KCNQ2: variants seen among roughly 807,000 people sequenced by gnomAD.
KCNQ2 encodes potassium voltage-gated channel subfamily KQT member 2.
A neutral mutation model predicts 84.8 loss-of-function variants in KCNQ2; 14 were observed. That is an observed-to-expected ratio of 0.17 (90% CI 0.11 to 0.26). KCNQ2 has a LOEUF of 0.26. Ranked by LOEUF, KCNQ2 falls within the 10% of genes least tolerant of loss-of-function variation. The pLI, the probability that KCNQ2 is intolerant of heterozygous loss-of-function variation, is 1.00. For missense variants in KCNQ2, 788 were observed against 1,254.0 expected, an observed-to-expected ratio of 0.63 and a Z score of 5.61; for synonymous variants, 599 against 554.1, an observed-to-expected ratio of 1.08 and a Z score of -1.14.
At chr20:63,443,976 G>A (rs763896072) in intron 4 of KCNQ2, among the ~76,000 whole-genome samples, 16 of 152,214 alleles carry the variant, frequency 1.1e-4, no homozygotes, top group Non-Finnish European at 1.8e-4. Flanking sequence ...ATGTGAAAAG[G>A]GTGCCCACTG....
chr20:63,445,121 GA>G, intron 3 of KCNQ2, 116 bp downstream of exon 3: 1 of 1,380,520 alleles, frequency 7.2e-7, no homozygotes, highest in South Asian at 1.2e-5. Flanking sequence ...CTTCCAGAAG[GA>G]GCCAGTCCTG....
intron 1 of KCNQ2, among the ~76,000 whole-genome samples, chr20:63,457,640 G>A (rs1422287694): frequency 6.6e-6 from 1 of 152,226 alleles, no homozygotes; most frequent in Non-Finnish European, 1.5e-5. Context: ...AACAGGAGTG[G>A]AGGAGCTGGA....
rs118192208 is a variant in KCNQ2 at position 63,442,415 on chromosome 20, C to T, written c.807G>A (p.Trp269Ter). The part of the protein sequence containing the change: ...DHFDTYADAL[W>*]WGLITLTTIG... ...AATGACCACAACTCACCAGGCCCCACCAGAGTGCATCCGCGTAGGTGTCAA... is the reference window on the plus strand; with the variant it reads ...AATGACCACAACTCACCAGGCCCCATCAGAGTGCATCCGCGTAGGTGTCAA... The change falls in exon 5 of 17, where the codon TGG (tryptophan) becomes TGA (stop). Residue 269 changes from tryptophan to a stop codon, truncating the protein, a stop_gained. Coordinates refer to ENST00000359125, the MANE Select transcript of KCNQ2 (RefSeq NM_172107.4). LOFTEE classifies it high-confidence loss of function. 6.2e-7 allele frequency: 1 copy of T among 1,613,884 alleles called. No homozygotes were observed. Among genetic ancestry groups the T allele is most frequent in the Non-Finnish European group, 8.5e-7 (1 of 1,179,960 alleles).
chr20:63,439,080 C>T (rs879670940), intron 6 of KCNQ2, among the ~76,000 whole-genome samples: 8 of 152,202 alleles, frequency 5.3e-5, no homozygotes, highest in Admixed American at 3.3e-4. Context: ...TCTTTCCCTT[C>T]CACACAGAAG....
chr20:63,447,274 T>G, intron 1 of KCNQ2: 1 of 215,842 alleles, frequency 4.6e-6, no homozygotes, highest in Non-Finnish European at 9.5e-6. Context: ...CGATCAGCCT[T>G]CCCCTCTCCT....
intron 1 of KCNQ2, among the ~76,000 whole-genome samples, chr20:63,465,974 C>T (rs1568977128): frequency 6.6e-6 from 1 of 152,188 alleles, no homozygotes; most frequent in Non-Finnish European, 1.5e-5. Flanking sequence ...GGTTCTCTGG[C>T]GCGGTCTGCG....
chr20:63,424,062 A>G (rs1328101175), intron 11 of KCNQ2, 115 bp downstream of exon 11: 2 of 1,193,260 alleles, frequency 1.7e-6, no homozygotes, highest in Admixed American at 4.0e-5. Context: ...ACAGTCACAC[A>G]CGGAAGCACA....
At chr20:63,439,196 T>C (rs115611309) in intron 6 of KCNQ2, among the ~76,000 whole-genome samples, 1 of 152,162 alleles carries the variant, frequency 6.6e-6, no homozygotes, top group African/African-American at 2.4e-5. Context: ...GCAACAAGGG[T>C]TGACAGGGCC....
intron 10 of KCNQ2, 82 bp downstream of exon 10, chr20:63,428,285 C>T (rs2080690024): frequency 9.5e-7 from 1 of 1,050,656 alleles, no homozygotes; most frequent in South Asian, 1.3e-5. Flanking sequence ...GGGGCACTGT[C>T]CTGGCGTGTC....
intron 9 of KCNQ2, among the ~76,000 whole-genome samples, chr20:63,431,135 C>T (rs2145653571): frequency 1.3e-5 from 2 of 152,062 alleles, no homozygotes; most frequent in South Asian, 4.2e-4. Flanking sequence ...ACGTGGGCTC[C>T]AGGCAGGGGA....
chr20:63,434,117 C>CG, intron 7 of KCNQ2: 1 of 558,700 alleles, frequency 1.8e-6, no homozygotes, highest in Non-Finnish European at 3.2e-6. Context: ...GCTTGTCAGA[C>CG]GGTGGGGCCT....
intron 1 of KCNQ2, among the ~76,000 whole-genome samples, chr20:63,457,124 G>A (rs1160346562): frequency 1.3e-5 from 2 of 152,238 alleles, no homozygotes; most frequent in Non-Finnish European, 2.9e-5. Flanking sequence ...CAGAGTCCAG[G>A]CGTGAACCGG....
Position 63,415,113 on chromosome 20 carries a change from A to C in KCNQ2, c.1315T>G (p.Leu439Val). The change falls in exon 13 of 17, where the codon TTG becomes GTG. Residue 439 changes from leucine to valine, a missense_variant. By Grantham distance (32) the Leu-to-Val change is conservative. Coordinates refer to ENST00000359125, the MANE Select transcript of KCNQ2 (RefSeq NM_172107.4). ...CPGRSSQKVS[L>V]KDRVFSSPRG... ...GGGCTGGAGAAGACACGATCTTTCA[A>C]ACTGACCTTCTGGCTGCTCCCACGG... 1.9e-6 allele frequency: 3 copies of C among 1,598,768 alleles called. No homozygotes were observed. Among genetic ancestry groups the C allele is most frequent in the Non-Finnish European group, 2.5e-6 (3 of 1,179,264 alleles).
rs1329461291 is a variant in KCNQ2, at chr20:63,446,508, C to G, written c.387+239G>C. ...GGGGCGATGGAGGCGGGGCTGTCAG[C>G]CACTGTGAGGTCACCAGGAGGGGTG... On this transcript the variant is annotated intron_variant, in intron 2 of 16. Transcript: ENST00000359125. This position sits in a 1 kb window ranked among gnomAD's most constrained non-coding sequence, Gnocchi z 5.5. 6.6e-6 allele frequency among the ~76,000 whole-genome samples: 1 copy of G among 152,158 alleles called. No homozygotes were observed. The highest frequency in any genetic ancestry group is 2.4e-5 in the African/African-American group (1 of 41,438).
Position 63,438,777 on chromosome 20 carries a change from A to C in KCNQ2, c.928-57T>G. 6.7e-7 allele frequency: 1 copy of C among 1,488,534 alleles called. No homozygotes were observed. The highest frequency in any genetic ancestry group is 1.4e-5 in the African/African-American group (1 of 69,572). 92.2% of individuals were successfully genotyped at this position (1,488,534 alleles called of 1,614,324 possible). ...GGGACCCCCCACACCCCAATTCATC[A>C]GGGTCAGACCATGCTCTGGGGCCCC... On this transcript the variant is annotated intron_variant, in intron 6 of 16. Transcript: ENST00000359125. This position sits in a 1 kb window ranked among gnomAD's most constrained non-coding sequence, Gnocchi z 5.1.
In KCNQ2 at chr20:63,425,916, A is replaced by G. The variant is rs1309312864; in HGVS notation, c.1218-1710T>C. Among the ~76,000 whole-genome samples the G allele has an allele frequency of 1.3e-5, 2 of 152,112 alleles. No homozygotes were observed. The highest frequency in any genetic ancestry group is 2.9e-5 in the Non-Finnish European group (2 of 68,024). On this transcript the variant is annotated intron_variant, in intron 10 of 16. Transcript: ENST00000359125. The surrounding 1 kb of genome is among the most constrained non-coding windows in gnomAD (Gnocchi z 5.5). ...TATCAACAGCAGGACAGCTCTTCCC[A>G]CTCAAAAAGGGAGAATGACAGAGGG... is the stretch of plus-strand genomic sequence containing the variant.
In KCNQ2 at chr20:63,407,461, C is replaced by T. The variant is rs2079984192; in HGVS notation, c.1888-86G>A. 1 of 1,455,786 alleles carries T rather than the reference C, an allele frequency of 6.9e-7. No individual in the cohort carries two copies. Among genetic ancestry groups the T allele is most frequent in the Non-Finnish European group, 9.3e-7 (1 of 1,070,128 alleles). 90.2% of individuals were successfully genotyped at this position (1,455,786 alleles called of 1,614,324 possible). ...GGCTGCTCCCAGGAAATGGGGGGGC[C>T]CAGGCTGGTTCCAGGAAACAGGAGA... On this transcript the variant is annotated intron_variant, in intron 16 of 16. Coordinates refer to ENST00000359125, the MANE Select transcript of KCNQ2 (RefSeq NM_172107.4). This position sits in a 1 kb window ranked among gnomAD's most constrained non-coding sequence, Gnocchi z 7.2.
At chr20:63,423,572 G>A (rs1198699113) in intron 11 of KCNQ2, 1 of 152,536 alleles carries the variant, frequency 6.6e-6, no homozygotes, top group South Asian at 2.1e-4. Flanking sequence ...CGGGGCCCGG[G>A]AGAGGGAACC....
At chr20:63,445,507 C>CAAAGGGCCCA in intron 2 of KCNQ2, 143 bp from the exon 3 acceptor site, 1 of 844,590 alleles carries the variant, frequency 1.2e-6, no homozygotes, top group Non-Finnish European at 1.8e-6. Flanking sequence ...GCTGACCCCC[C>CAAAGGGCCCA]CACCCCTCTC....
Sources: gnomAD v4.1 joint callset for allele counts (sites outside exome capture counted in the v4.1 genomes callset) on GRCh38, gnomAD v4.1.1 for gene constraint, Gnocchi (gnomAD v3.1) non-coding constraint, MANE v1.5 for transcripts, NCBI Gene and HGNC (gene_info 2026-07-23, HGNC 2026-07-21) for gene names.